The following TENM4 variants were observed in gnomAD, a reference collection of about 807,000 sequenced individuals.
The protein encoded by TENM4 is teneurin transmembrane protein 4.
TENM4 carries 82 observed loss-of-function variants against 243.3 expected under a neutral mutation model. That is an observed-to-expected ratio of 0.34 (90% CI 0.28 to 0.40). TENM4 has a LOEUF of 0.40. Among genes scored for constraint, TENM4 ranks in the 10% least tolerant of loss-of-function variants. TENM4 has a pLI of 1.00. For synonymous variants in TENM4, 1,412 were observed against 1,456.3 expected, an observed-to-expected ratio of 0.97 and a Z score of 0.69; for missense variants, 3,138 against 3,673.3, an observed-to-expected ratio of 0.85 and a Z score of 3.77.
chr11:78,997,744 G>A (rs4945317), intron 6 of TENM4, among the ~76,000 whole-genome samples: 16,655 of 152,236 alleles, frequency 0.11, 1,286 homozygotes, highest in Non-Finnish European at 0.17. Flanking sequence ...CTGGACTGGC[G>A]TCTATTATGG....
intron 28 of TENM4, among the ~76,000 whole-genome samples, chr11:78,698,837 C>G (rs1318273157): frequency 6.6e-6 from 1 of 152,224 alleles, no homozygotes; most frequent in African/African-American, 2.4e-5. Context: ...AGGTGTCTGG[C>G]ACCCTTGCTT....
chr11:79,064,022 A>G (rs1860171627), intron 6 of TENM4, among the ~76,000 whole-genome samples: 1 of 152,128 alleles, frequency 6.6e-6, no homozygotes, highest in Non-Finnish European at 1.5e-5. Context: ...TGATGTTTTG[A>G]TACCTAAATA....
chr11:79,205,920 G>T (rs1441235340), intron 3 of TENM4, among the ~76,000 whole-genome samples: 1 of 152,268 alleles, frequency 6.6e-6, no homozygotes, highest in Non-Finnish European at 1.5e-5. Flanking sequence ...GTGCTGAGAA[G>T]AGGGTAGCTC....
chr11:78,696,681 C>T (rs1380405873), intron 28 of TENM4, among the ~76,000 whole-genome samples: 2 of 152,146 alleles, frequency 1.3e-5, no homozygotes, highest in African/African-American at 2.4e-5. Context: ...CCCTCAAGGT[C>T]CACAGTTCAG....
chr11:79,058,512 C>A (rs1860000568), intron 6 of TENM4, among the ~76,000 whole-genome samples: 1 of 150,940 alleles, frequency 6.6e-6, no homozygotes, highest in Non-Finnish European at 1.5e-5. Context: ...CCACTGCACT[C>A]CAGCCTGGAC....
intron 1 of TENM4, among the ~76,000 whole-genome samples, chr11:79,353,276 TG>T (rs1223734916): frequency 2.6e-5 from 4 of 152,124 alleles, no homozygotes; most frequent in Non-Finnish European, 5.9e-5. Context: ...TTGTTTTCTT[TG>T]GGGGGTTTTC....
At chr11:79,079,127 G>A (rs1478465759) in intron 4 of TENM4, among the ~76,000 whole-genome samples, 1 of 152,224 alleles carries the variant, frequency 6.6e-6, no homozygotes, top group East Asian at 1.9e-4. Flanking sequence ...ACAGAGACAG[G>A]GCTTTCCTGG....
chr11:79,367,143 G>T (rs543055660), intron 1 of TENM4, among the ~76,000 whole-genome samples: 1 of 152,276 alleles, frequency 6.6e-6, no homozygotes, highest in South Asian at 2.1e-4. Context: ...TGGGCCTTTG[G>T]CTCCATTTCC....
At chr11:79,354,257 C>T (rs371822950) in intron 1 of TENM4, among the ~76,000 whole-genome samples, 2 of 152,194 alleles carry the variant, frequency 1.3e-5, no homozygotes, top group Admixed American at 6.5e-5. Context: ...GGACAGGACA[C>T]GGAGATCTTC....
intron 6 of TENM4, among the ~76,000 whole-genome samples, chr11:78,921,886 C>T (rs1309306864): frequency 2.0e-5 from 3 of 152,224 alleles, no homozygotes; most frequent in Non-Finnish European, 4.4e-5. Context: ...CTGGTACCTA[C>T]TATGTCCAAG....
At chr11:78,909,538 A>G (rs1856136598) in intron 6 of TENM4, among the ~76,000 whole-genome samples, 1 of 152,232 alleles carries the variant, frequency 6.6e-6, no homozygotes, top group African/African-American at 2.4e-5. Flanking sequence ...AATGCAGGTA[A>G]GGTGCTTACA....
intron 1 of TENM4, among the ~76,000 whole-genome samples, chr11:79,365,956 A>G (rs1351239898): frequency 1.3e-5 from 2 of 152,178 alleles, no homozygotes; most frequent in African/African-American, 4.8e-5. Context: ...TGAAATCAAT[A>G]GGAAGACACT....
At chr11:79,146,447 A>T (rs577342) in intron 4 of TENM4, among the ~76,000 whole-genome samples, 1 of 152,010 alleles carries the variant, frequency 6.6e-6, no homozygotes, top group Admixed American at 6.6e-5. Flanking sequence ...GAGGGAAGAG[A>T]CTCAGAAGGA....
chr11:79,287,661 A>T (rs1856280784), intron 2 of TENM4, among the ~76,000 whole-genome samples: 1 of 152,162 alleles, frequency 6.6e-6, no homozygotes, highest in Non-Finnish European at 1.5e-5. Context: ...CACTGAGGTA[A>T]CACTGAGGAC....
Position 79,251,567 on chromosome 11 carries a change from A to T in TENM4, c.-264-35658T>A, listed in dbSNP as rs141320807. Among the ~76,000 whole-genome samples the T allele has an allele frequency of 1.2e-3, 177 of 152,334 alleles. 4 individuals are homozygous for T. The South Asian group carries it at 0.022, about 19-fold the overall frequency. ...AATGCAGGGAAATCCCACTGGAAAA[A>T]TAAAACAATATCACAAACTACATCA... On this transcript the variant is annotated intron_variant, in intron 2 of 33. Transcript: ENST00000278550.
At position 78,894,046 on chromosome 11, in the gene TENM4, T is replaced by C. The variant is rs531028816; in HGVS notation, c.750-2710A>G. 1.2e-4 allele frequency among the ~76,000 whole-genome samples: 18 copies of C among 152,314 alleles called. No homozygotes were observed. In the South Asian group the frequency reaches 3.1e-3, roughly 26 times the overall value. ...TACATGGTAGCAGGCACTCAATAAA[T>C]ATGTGCTGAATACTGCTGAATTCAG... On this transcript the variant is annotated intron_variant, in intron 7 of 33. Transcript: ENST00000278550.
At chr11:78,677,142 A>T (rs1858498534) in intron 29 of TENM4, among the ~76,000 whole-genome samples, 1 of 152,198 alleles carries the variant, frequency 6.6e-6, no homozygotes, top group Non-Finnish European at 1.5e-5. Context: ...TATGTGAATT[A>T]TACCTCAAAA....
chr11:78,894,500 A>T (rs970941130), intron 7 of TENM4, among the ~76,000 whole-genome samples: 35 of 152,338 alleles, frequency 2.3e-4, no homozygotes, highest in South Asian at 6.2e-4. Flanking sequence ...AGTTATTTTT[A>T]AAAAAAGAGA....
chr11:79,435,765 G>A (rs1415056834), intron 1 of TENM4, among the ~76,000 whole-genome samples: 1 of 152,114 alleles, frequency 6.6e-6, no homozygotes, highest in Non-Finnish European at 1.5e-5. Flanking sequence ...TAGAGTGTGA[G>A]CTGGCATCTT....
Sources: gnomAD v4.1 joint callset for allele counts (sites outside exome capture counted in the v4.1 genomes callset) on GRCh38, gnomAD v4.1.1 for gene constraint, MANE v1.5 for transcripts, NCBI Gene and HGNC (gene_info 2026-07-23, HGNC 2026-07-21) for gene names.